SCAI: variants seen among roughly 807,000 people sequenced by gnomAD.
The protein encoded by SCAI is suppressor of cancer cell invasion.
A neutral mutation model predicts 92.2 loss-of-function variants in SCAI; 24 were observed. The ratio of observed to expected loss-of-function variants is 0.26; its 90% CI spans 0.19 to 0.37. SCAI has a LOEUF of 0.37. Ranked by LOEUF, SCAI falls within the 10% of genes least tolerant of loss-of-function variation. SCAI has a pLI of 1.00. For missense variants in SCAI, 450 were observed against 736.2 expected, an observed-to-expected ratio of 0.61 and a Z score of 4.50; for synonymous variants, 261 against 258.6, an observed-to-expected ratio of 1.01 and a Z score of -0.09.
chr9:124,996,235 G>T (rs1439988635), intron 13 of SCAI, among the ~76,000 whole-genome samples: 1 of 151,468 alleles, frequency 6.6e-6, no homozygotes, highest in South Asian at 2.1e-4. Context: ...GGGTGGTGCT[G>T]GGGGCAGTGG....
At chr9:124,999,031 A>G (rs1832303172) in intron 13 of SCAI, among the ~76,000 whole-genome samples, 1 of 152,174 alleles carries the variant, frequency 6.6e-6, no homozygotes, top group Admixed American at 6.5e-5. Context: ...TTACAAATAT[A>G]GAAACATCAT....
intron 2 of SCAI, among the ~76,000 whole-genome samples, chr9:125,096,159 T>TG (rs1834547689): frequency 6.6e-6 from 1 of 152,204 alleles, no homozygotes; most frequent in Non-Finnish European, 1.5e-5. Flanking sequence ...AAGGGTTTAA[T>TG]GGGGGTGCCT....
chr9:125,028,926 T>C (rs930882040), intron 4 of SCAI, among the ~76,000 whole-genome samples: 2 of 152,126 alleles, frequency 1.3e-5, no homozygotes, highest in South Asian at 2.1e-4. Flanking sequence ...GTCTCCTGAA[T>C]AGCTGGGATT....
intron 2 of SCAI, among the ~76,000 whole-genome samples, chr9:125,090,559 T>C (rs1834411040): frequency 6.6e-6 from 1 of 152,212 alleles, no homozygotes. Flanking sequence ...GGCTAGTTCA[T>C]GAATCTATCC....
intron 17 of SCAI, among the ~76,000 whole-genome samples, chr9:124,956,278 G>A (rs753166759): frequency 3.9e-5 from 6 of 152,234 alleles, no homozygotes; most frequent in Non-Finnish European, 7.4e-5. Context: ...GAGTGCAATG[G>A]CACAATCTTG....
At chr9:125,109,431 TAA>T (rs1834888021) in intron 2 of SCAI, among the ~76,000 whole-genome samples, 1 of 152,062 alleles carries the variant, frequency 6.6e-6, no homozygotes, top group Admixed American at 6.5e-5. Context: ...CATTTGTTAT[TAA>T]AGTGCCATGT....
rs1212920070 is a variant in SCAI at position 124,945,066 on chromosome 9, C to T, written c.*7741G>A. ...ATATTACACCTAAAAAGATGATTGT[C>T]GTAGTAGACAGACTGGAATTGTCCA... is the stretch of plus-strand genomic sequence containing the variant. On this transcript the variant is annotated 3_prime_UTR_variant, in exon 18 of 18. Coordinates refer to ENST00000336505, the MANE Select transcript of SCAI (RefSeq NM_001144877.3). 5 of 151,994 alleles carry T rather than the reference C, an allele frequency of 3.3e-5. No individual in the cohort carries two copies. Among genetic ancestry groups the T allele is most frequent in the Non-Finnish European group, 7.4e-5 (5 of 68,000 alleles). The allele number at this position is 151,994 out of a possible 1,614,324, so 9.4% of individuals were successfully genotyped here. A position where few individuals can be genotyped will look rare whatever the true frequency, so the allele number is the denominator to read the frequency against.
At chr9:124,986,465 A>T (rs1831991979) in intron 14 of SCAI, among the ~76,000 whole-genome samples, 1 of 152,232 alleles carries the variant, frequency 6.6e-6, no homozygotes, top group African/African-American at 2.4e-5. Context: ...AAGAAACTAT[A>T]CAAATCTCAA....
At chr9:125,001,921 G>A (rs755182094) in intron 12 of SCAI, 44 bp downstream of exon 12, 40 of 1,344,980 alleles carry the variant, frequency 3.0e-5, no homozygotes, top group Non-Finnish European at 3.8e-5. Flanking sequence ...AAAATAAAGA[G>A]AATTCAAGCC....
chr9:125,128,715 T>C (rs573666146), intron 2 of SCAI, among the ~76,000 whole-genome samples: 165 of 150,570 alleles, frequency 1.1e-3, no homozygotes, highest in African/African-American at 3.7e-3. Flanking sequence ...ATTGTGCCAC[T>C]GCACTCCAGC....
chr9:125,061,985 G>A (rs1311030470), intron 2 of SCAI, among the ~76,000 whole-genome samples: 1 of 152,104 alleles, frequency 6.6e-6, no homozygotes, highest in Non-Finnish European at 1.5e-5. Flanking sequence ...GTGTTTTACA[G>A]AAGAATGGAA....
chr9:124,960,572 C>T (rs1346316073), intron 17 of SCAI, among the ~76,000 whole-genome samples: 4 of 152,200 alleles, frequency 2.6e-5, no homozygotes, highest in Non-Finnish European at 5.9e-5. Context: ...AAGGTTTACA[C>T]AAGAGTCCAT....
intron 17 of SCAI, among the ~76,000 whole-genome samples, chr9:124,958,992 C>T (rs1371458083): frequency 2.0e-5 from 3 of 151,362 alleles, no homozygotes; most frequent in Non-Finnish European, 4.4e-5. Flanking sequence ...AAACACAAAT[C>T]AGAGAAGAAA....
chr9:124,975,641 T>C (rs1831739427), intron 15 of SCAI, among the ~76,000 whole-genome samples: 1 of 152,168 alleles, frequency 6.6e-6, no homozygotes, highest in African/African-American at 2.4e-5. Context: ...AAGGTAAAAA[T>C]GTGAATAAAA....
At position 125,139,499 on chromosome 9, in the gene SCAI, A is replaced by T. The variant is rs10986581; in HGVS notation, c.98+3134T>A. Reference sequence around the variant, plus strand: ...CATAAGTTCTGGGAATGGCAAATGGAGCACGGAGTTACATTCAGCAATTAA... The same window carrying T: ...CATAAGTTCTGGGAATGGCAAATGGTGCACGGAGTTACATTCAGCAATTAA... On this transcript the variant is annotated intron_variant, in intron 2 of 17. Transcript: ENST00000336505. Among the ~76,000 whole-genome samples the T allele has an allele frequency of 4.2e-3, 646 of 152,344 alleles. 4 individuals carry two copies. The highest frequency in any genetic ancestry group is 0.015 in the African/African-American group (618 of 41,568).
rs528706916 is a variant in SCAI at position 125,123,243 on chromosome 9, G to C, written c.98+19390C>G. ...CCAGGTGTGGTGGCACGTGCCTGTA[G>C]TCCCAGCAACTCGGGAGGCTGAGGC... On this transcript the variant is annotated intron_variant, in intron 2 of 17. Coordinates refer to ENST00000336505, the MANE Select transcript of SCAI (RefSeq NM_001144877.3). Among the ~76,000 whole-genome samples, 251 of 146,628 alleles carry C rather than the reference G, an allele frequency of 1.7e-3. 1 individual carries two copies. The highest frequency in any genetic ancestry group is 5.9e-3 in the African/African-American group (243 of 40,984).
chr9:125,001,468 A>C (rs1310086068), intron 12 of SCAI, among the ~76,000 whole-genome samples: 2 of 152,226 alleles, frequency 1.3e-5, no homozygotes, highest in Admixed American at 6.5e-5. Context: ...ATAAAACAAA[A>C]TAAAGGACAG....
intron 3 of SCAI, among the ~76,000 whole-genome samples, chr9:125,047,711 AC>A (rs1286742582): frequency 3.3e-5 from 5 of 152,220 alleles, no homozygotes; most frequent in African/African-American, 1.2e-4. Flanking sequence ...ACACATGGCT[AC>A]TAAGCACTTG....
intron 2 of SCAI, among the ~76,000 whole-genome samples, chr9:125,134,865 G>A (rs1251589774): frequency 6.6e-6 from 1 of 151,760 alleles, no homozygotes; most frequent in Non-Finnish European, 1.5e-5. Flanking sequence ...TAGTAGAGAC[G>A]GGGTTTCTCC....
Sources: allele counts gnomAD v4.1 joint callset (sites outside exome capture counted in the v4.1 genomes callset), GRCh38; gene constraint gnomAD v4.1.1; transcripts MANE v1.5; gene names NCBI Gene and HGNC (gene_info 2026-07-23, HGNC 2026-07-21).